The following UNC13B variants were observed in gnomAD, a reference collection of about 807,000 sequenced individuals.
UNC13B encodes protein unc-13 homolog B.
A neutral mutation model predicts 211.0 loss-of-function variants in UNC13B; 144 were observed. The ratio of observed to expected loss-of-function variants is 0.68; its 90% confidence interval spans 0.60 to 0.78. The LOEUF is 0.78. UNC13B is among the 30% of genes least tolerant of loss of function. UNC13B has a pLI of 0.00. For synonymous variants in UNC13B, 709 were observed against 725.8 expected, an observed-to-expected ratio of 0.98 and a Z score of 0.37; for missense variants, 1,777 against 2,002.0, an observed-to-expected ratio of 0.89 and a Z score of 2.14.
At chr9:35,378,742 GGACT>G (rs1266992998) in intron 17 of UNC13B, among the ~76,000 whole-genome samples, 1 of 152,078 alleles carries the variant, frequency 6.6e-6, no homozygotes, top group African/African-American at 2.4e-5. Flanking sequence ...ACAGAACCAG[GGACT>G]GACTGCCTTA....
intron 35 of UNC13B, 22 bp from the exon 36 acceptor site, chr9:35,399,627 T>G: frequency 6.2e-7 from 1 of 1,613,822 alleles, no homozygotes; most frequent in Non-Finnish European, 8.5e-7. Flanking sequence ...GCTGTCCTGA[T>G]GCTGCTGATT....
intron 6 of UNC13B, among the ~76,000 whole-genome samples, chr9:35,244,607 T>C (rs899234086): frequency 6.6e-6 from 1 of 152,194 alleles, no homozygotes; most frequent in Non-Finnish European, 1.5e-5. Flanking sequence ...TGTAGATGTA[T>C]CATTCTAATC....
intron 11 of UNC13B, among the ~76,000 whole-genome samples, chr9:35,328,196 G>T (rs926383449): frequency 6.6e-6 from 1 of 151,756 alleles, no homozygotes; most frequent in Non-Finnish European, 1.5e-5. Context: ...AATTTTTTTT[G>T]TATTTTTAGT....
At chr9:35,309,772 A>G (rs1372959877) in intron 9 of UNC13B, among the ~76,000 whole-genome samples, 1 of 152,198 alleles carries the variant, frequency 6.6e-6, no homozygotes, top group Non-Finnish European at 1.5e-5. Context: ...GCCCTGAAAG[A>G]AGCTCAGTTA....
intron 24 of UNC13B, among the ~76,000 whole-genome samples, 157 bp downstream of exon 24, chr9:35,386,450 T>C (rs1317590327): frequency 6.6e-6 from 1 of 152,066 alleles, no homozygotes; most frequent in Non-Finnish European, 1.5e-5. Flanking sequence ...CCATGTGAGA[T>C]ATGTGGATGG....
chr9:35,300,907 A>G lies in UNC13B; in HGVS notation c.1503A>G (p.Ala501=). The change falls in exon 9 of 40, where the codon GCA becomes GCG. Residue 501 remains alanine (A), a synonymous_variant. Coordinates refer to ENST00000635942, the MANE Select transcript of UNC13B (RefSeq NM_001371189.2). ...KSHKQNSTLD[A]EQRTPGDQIP... Reference sequence around the variant, plus strand: ...ATAAACAAAATAGTACTCTTGATGCAGAACAGAGAACGCCTGGGGATCAAA... The same window carrying G: ...ATAAACAAAATAGTACTCTTGATGCGGAACAGAGAACGCCTGGGGATCAAA... 2.5e-6 allele frequency: 1 copy of G among 399,032 alleles called. No individual in the cohort carries two copies. Among genetic ancestry groups the G allele is most frequent in the Non-Finnish European group, 4.4e-6 (1 of 226,036 alleles). The allele number at this position is 399,032 out of a possible 1,614,324, so 24.7% of individuals were successfully genotyped here. A position where few individuals can be genotyped will look rare whatever the true frequency, so the allele number is the denominator to read the frequency against.
At chr9:35,326,266 T>G (rs1831004026) in intron 11 of UNC13B, among the ~76,000 whole-genome samples, 2 of 152,220 alleles carry the variant, frequency 1.3e-5, no homozygotes, top group African/African-American at 4.8e-5. Flanking sequence ...TTTTTATATC[T>G]TCTTTGGAGT....
rs377586561 is a variant in UNC13B at position 35,378,283 on chromosome 9, C to T, written c.10064-12C>T. ...ACGACTCTGAAGCCTCCTATACATG[C>T]TTGGGTTGCAGTGGTGTGTGCCCAG... On this transcript the variant is annotated splice_polypyrimidine_tract_variant and intron_variant, in intron 16 of 39. Transcript: ENST00000635942. The T allele has an allele frequency of 1.1e-5, 18 of 1,613,946 alleles. No individual in the cohort carries two copies. The highest frequency in any genetic ancestry group is 1.7e-5 in the Admixed American group (1 of 59,990).
chr9:35,375,120 C>T lies in UNC13B; in HGVS notation c.9541-7C>T, dbSNP rs1264934344. ...GGTCAGGGCTAACAGCAGATCTTCC[C>T]TGACAGTCACTGGTCCAGTCTCGGA... On this transcript the variant is annotated splice_polypyrimidine_tract_variant and splice_region_variant and intron_variant, in intron 13 of 39. Transcript: ENST00000635942. 6.2e-7 allele frequency: 1 copy of T among 1,614,002 alleles called. No individual in the cohort carries two copies. The highest frequency in any genetic ancestry group is 1.3e-5 in the African/African-American group (1 of 74,928).
At chr9:35,187,849 G>A (rs1822444603) in intron 1 of UNC13B, among the ~76,000 whole-genome samples, 1 of 152,062 alleles carries the variant, frequency 6.6e-6, no homozygotes, top group Non-Finnish European at 1.5e-5. Flanking sequence ...GACTGTGTAG[G>A]TAAGGGTATG....
intron 11 of UNC13B, among the ~76,000 whole-genome samples, chr9:35,355,783 C>G (rs1476848281): frequency 6.6e-6 from 1 of 152,208 alleles, no homozygotes; most frequent in Non-Finnish European, 1.5e-5. Context: ...TTTGCAGCCT[C>G]TTTTTCTTCT....
At chr9:35,399,478 G>A in intron 35 of UNC13B, 30 bp downstream of exon 35, 2 of 1,614,014 alleles carry the variant, frequency 1.2e-6, no homozygotes, top group East Asian at 2.2e-5. Context: ...CTCCTGGCAG[G>A]TGTGGTCCTT....
Position 35,368,420 on chromosome 9 carries a change from C to T in UNC13B, c.9461+1427C>T, listed in dbSNP as rs117785406. ...TTTTTTATGGCCACATAGTATTCTG[C>T]GGTGTATATGTATCACATTTTCTTT... On this transcript the variant is annotated intron_variant, in intron 12 of 39. Transcript: ENST00000635942. Among the ~76,000 whole-genome samples the T allele has an allele frequency of 4.5e-3, 680 of 152,256 alleles. 18 individuals carry two copies. In the East Asian group the frequency reaches 0.046, roughly 10 times the overall value.
intron 6 of UNC13B, among the ~76,000 whole-genome samples, chr9:35,254,994 T>C (rs1430863145): frequency 1.8e-5 from 2 of 109,030 alleles, no homozygotes; most frequent in Non-Finnish European, 3.6e-5. Flanking sequence ...ATGTATATAT[T>C]ATATTATATT....
chr9:35,248,829 T>C (rs577321565), intron 6 of UNC13B, among the ~76,000 whole-genome samples: 2 of 152,324 alleles, frequency 1.3e-5, no homozygotes, highest in East Asian at 3.9e-4. Context: ...GAATGTATAT[T>C]CTGTTGATTT....
chr9:35,209,249 A>G (rs1159358598), intron 1 of UNC13B, among the ~76,000 whole-genome samples: 1 of 152,090 alleles, frequency 6.6e-6, no homozygotes, highest in Non-Finnish European at 1.5e-5. Context: ...TTTTTAGTAG[A>G]GATGGGGTTT....
At chr9:35,183,279 G>GAT (rs1461951286) in intron 1 of UNC13B, among the ~76,000 whole-genome samples, 1 of 122,948 alleles carries the variant, frequency 8.1e-6, no homozygotes, top group Non-Finnish European at 1.7e-5. Flanking sequence ...CCTCCCAGGC[G>GAT]GGGTGGCCGG....
In UNC13B at chr9:35,305,579, G is replaced by C. The variant is rs1473287502; in HGVS notation, c.6175G>C (p.Glu2059Gln). The change falls in exon 9 of 40, where the codon GAA (glutamate) becomes CAA (glutamine). Residue 2059 changes from glutamate to glutamine, a missense_variant. Transcript: ENST00000635942. ...QTTIDDSRLE[E>Q]STRGIQGNDL... ...TACTATCGATGACAGTAGGTTAGAG[G>C]AATCAACTAGAGGGATCCAGGGTAA... 1 of 398,800 alleles carries C rather than the reference G, an allele frequency of 2.5e-6. No homozygotes were observed. The highest frequency in any genetic ancestry group is 2.1e-5 in the African/African-American group (1 of 48,612). The allele number at this position is 398,800 out of a possible 1,614,324, so 24.7% of individuals were successfully genotyped here.
chr9:35,399,258 G>T lies in UNC13B; in HGVS notation c.12172G>T (p.Val4058Phe). The change falls in exon 34 of 40, where the codon GTT (valine) becomes TTT (phenylalanine). Residue 4058 changes from valine (V) to phenylalanine (F), a missense_variant. By Grantham distance (50) the Val-to-Phe change is conservative (BLOSUM62 -1). Transcript: ENST00000635942. ...VVMNTMERMI[V>F]LPPLTDQTGT... ...GATGAACACAATGGAGAGGATGATT[G>T]TTCTGCCCCCACTCACTGACCAGAC... 1 of 1,614,122 alleles carries T rather than the reference G, an allele frequency of 6.2e-7. No homozygotes were observed. The highest frequency in any genetic ancestry group is 8.5e-7 in the Non-Finnish European group (1 of 1,180,014).
Sources: gnomAD v4.1 joint callset for allele counts (sites outside exome capture counted in the v4.1 genomes callset) on GRCh38, gnomAD v4.1.1 for gene constraint, MANE v1.5 for transcripts, NCBI Gene and HGNC (gene_info 2026-07-23, HGNC 2026-07-21) for gene names.